CCDC148: variants seen among roughly 807,000 people sequenced by gnomAD.
CCDC148 encodes the protein coiled-coil domain-containing protein 148.
In CCDC148, 89 loss-of-function variants were observed where a neutral mutation model predicts 85.7. The observed-to-expected ratio is 1.04, with a 90% CI of 0.87 to 1.24. The LOEUF (loss-of-function observed/expected upper bound fraction) is 1.24. Ranked by LOEUF, CCDC148 falls within the 50% of genes most tolerant of loss-of-function variation. The pLI is 0.00. For synonymous variants in CCDC148, 230 were observed against 213.9 expected (o/e 1.08, Z -0.66); for missense variants, 692 against 671.7 (o/e 1.03, Z -0.33).
intron 1 of CCDC148, among the ~76,000 whole-genome samples, chr2:158,377,674 T>C (rs1211627462): frequency 6.6e-6 from 1 of 152,070 alleles, no homozygotes; most frequent in Non-Finnish European, 1.5e-5. Flanking sequence ...CAAGCAAGCC[T>C]GTCAGCACCA....
At chr2:158,230,065 T>C (rs759564128) in intron 10 of CCDC148, among the ~76,000 whole-genome samples, 6 of 152,214 alleles carry the variant, frequency 3.9e-5, no homozygotes, top group Admixed American at 2.0e-4. Flanking sequence ...TTGATGTCTC[T>C]GTGTATTTGA....
chr2:158,352,078 A>T (rs566309899), intron 2 of CCDC148, among the ~76,000 whole-genome samples: 380 of 144,402 alleles, frequency 2.6e-3, no homozygotes, highest in Non-Finnish European at 4.3e-3. Context: ...CCATCTGTAC[A>T]TCACCATCAT....
chr2:158,312,578 C>CAAAAAAAAA (rs61545122), intron 8 of CCDC148, among the ~76,000 whole-genome samples: 26 of 76,074 alleles, frequency 3.4e-4, no homozygotes, highest in Admixed American at 6.7e-4. Flanking sequence ...GAATCCATCT[C>CAAAAAAAAA]AAAAAAAAAA....
Position 158,358,524 on chromosome 2 carries a change from G to T in CCDC148, c.72C>A (p.Tyr24Ter). Residue 24 changes from tyrosine to a stop codon, truncating the protein, a stop_gained, in exon 2 of 14, where the codon TAC (tyrosine) becomes TAA (stop). Transcript: ENST00000283233. LOFTEE classifies it high-confidence loss of function. The stretch of plus-strand genomic sequence containing the variant: ...GCAATTGTTGATAGTCTACTGGTTT[G>T]TACTTGATGTTTCTCATCTCATTTT... ...HMKNEMRNIK[Y>*]KPVDYQQLRA... 2 of 1,600,302 alleles carry T rather than the reference G, an allele frequency of 1.2e-6. No individual in the cohort carries two copies. The highest frequency in any genetic ancestry group is 1.7e-6 in the Non-Finnish European group (2 of 1,174,878).
At chr2:158,406,592 C>A (rs948895820) in intron 1 of CCDC148, among the ~76,000 whole-genome samples, 2 of 96,150 alleles carry the variant, frequency 2.1e-5, no homozygotes, top group African/African-American at 3.4e-5. Context: ...GAGGTTACAG[C>A]CAGTTAAACA....
rs1019148989 is a variant in CCDC148, at chr2:158,456,593, T to C, written c.-154A>G. The C allele has an allele frequency of 1.1e-5, 10 of 950,022 alleles. No homozygotes were observed. The highest frequency in any genetic ancestry group is 6.3e-4 in the Middle Eastern group (2 of 3,162). 58.8% of individuals were successfully genotyped at this position (950,022 alleles called of 1,614,324 possible). ...AAACCCTACCAGGCACAGTTGGGATTGGCAGTAAGGCAAGGAAAGCCTGCC... is the reference window on the plus strand; with the variant it reads ...AAACCCTACCAGGCACAGTTGGGATCGGCAGTAAGGCAAGGAAAGCCTGCC... On this transcript the variant is annotated 5_prime_UTR_variant, in exon 1 of 14. Transcript: ENST00000283233.
At chr2:158,437,460 T>A (rs1428193402) in intron 1 of CCDC148, among the ~76,000 whole-genome samples, 1 of 152,180 alleles carries the variant, frequency 6.6e-6, no homozygotes, top group Non-Finnish European at 1.5e-5. Context: ...ATAAATTAGG[T>A]ATTGATGGGA....
intron 1 of CCDC148, among the ~76,000 whole-genome samples, chr2:158,403,527 A>G (rs555605015): frequency 6.6e-6 from 1 of 152,100 alleles, no homozygotes; most frequent in Non-Finnish European, 1.5e-5. Context: ...TATATGAACT[A>G]AACAATAAAG....
At chr2:158,212,514 C>T (rs1315055305) in intron 11 of CCDC148, among the ~76,000 whole-genome samples, 2 of 152,066 alleles carry the variant, frequency 1.3e-5, no homozygotes, top group Non-Finnish European at 2.9e-5. Context: ...TTGGCAAGGA[C>T]CTCAAAACAC....
intron 9 of CCDC148, among the ~76,000 whole-genome samples, chr2:158,302,592 T>C (rs1274185461): frequency 1.3e-5 from 2 of 152,132 alleles, no homozygotes; most frequent in East Asian, 1.9e-4. Context: ...GAGACCATCC[T>C]GGCCAACATG....
At chr2:158,285,322 A>T (rs1245654544) in intron 9 of CCDC148, among the ~76,000 whole-genome samples, 1 of 151,962 alleles carries the variant, frequency 6.6e-6, no homozygotes, top group East Asian at 1.9e-4. Context: ...GTATGAGATT[A>T]ACGGCAGATG....
intron 10 of CCDC148, among the ~76,000 whole-genome samples, chr2:158,240,452 T>TCTCTCTCTCTCA (rs941238898): frequency 1.7e-5 from 2 of 120,468 alleles, no homozygotes; most frequent in South Asian, 3.2e-4. Flanking sequence ...TCTCTCTCTC[T>TCTCTCTCTCTCA]CACACACACA....
In CCDC148 at chr2:158,171,946, A is replaced by C. The variant is rs996952241; in HGVS notation, c.*167T>G. 1.9e-6 allele frequency: 1 copy of C among 530,622 alleles called. No individual in the cohort carries two copies. The highest frequency in any genetic ancestry group is 2.0e-5 in the African/African-American group (1 of 50,384). The allele number at this position is 530,622 out of a possible 1,614,324, so 32.9% of individuals were successfully genotyped here. ...TATAACTTAAAGATACAGGAAATAT[A>C]GTGCATAAAATTCTAAGAATCACAA... On this transcript the variant is annotated 3_prime_UTR_variant, in exon 14 of 14. Coordinates refer to ENST00000283233, the MANE Select transcript of CCDC148 (RefSeq NM_138803.4).
chr2:158,220,690 T>A lies in CCDC148; in HGVS notation c.1275A>T (p.Lys425Asn), dbSNP rs1285997060. Residue 425 changes from lysine (K) to asparagine (N), a missense_variant, in exon 11 of 14, where the codon AAA (lysine) becomes AAT (asparagine). Coordinates refer to ENST00000283233, the MANE Select transcript of CCDC148 (RefSeq NM_138803.4). ...TTTCCATTTCTTGCCACTTCTGTTTTTTCTTGGCCCAGTATTTTTTTATCT... is the reference window on the plus strand; with the variant it reads ...TTTCCATTTCTTGCCACTTCTGTTTATTCTTGGCCCAGTATTTTTTTATCT... ...KKKIKKYWAK[K>N]KQKWQEMEMR... 1 of 1,585,608 alleles carries A rather than the reference T, an allele frequency of 6.3e-7. No homozygotes were observed. The highest frequency in any genetic ancestry group is 8.5e-7 in the Non-Finnish European group (1 of 1,172,806).
intron 11 of CCDC148, among the ~76,000 whole-genome samples, chr2:158,181,638 C>A (rs1684908762): frequency 6.6e-6 from 1 of 151,898 alleles, no homozygotes; most frequent in African/African-American, 2.4e-5. Flanking sequence ...AGGAATGCAC[C>A]AGGAGGGGAG....
intron 11 of CCDC148, among the ~76,000 whole-genome samples, chr2:158,210,959 G>GAAAA (rs772015775): frequency 1.4e-5 from 1 of 70,422 alleles, no homozygotes; most frequent in African/African-American, 5.7e-5. Context: ...ACTCTGTCTC[G>GAAAA]AAAAAAAAAA....
At chr2:158,420,403 A>T (rs1005327981) in intron 1 of CCDC148, among the ~76,000 whole-genome samples, 1 of 152,350 alleles carries the variant, frequency 6.6e-6, no homozygotes, top group South Asian at 2.1e-4. Context: ...CAGAAACTCT[A>T]CAAGCCAGAA....
chr2:158,443,131 A>G (rs1469036922), intron 1 of CCDC148, among the ~76,000 whole-genome samples: 6 of 152,112 alleles, frequency 3.9e-5, no homozygotes, highest in African/African-American at 1.2e-4. Context: ...AAGGCAAGAT[A>G]TAAGTAGGAG....
chr2:158,212,993 A>G (rs1558986390), intron 11 of CCDC148, among the ~76,000 whole-genome samples: 1 of 152,238 alleles, frequency 6.6e-6, no homozygotes, highest in Non-Finnish European at 1.5e-5. Flanking sequence ...AATGGTTCTT[A>G]AATTTTGCTG....
Sources: allele counts gnomAD v4.1 joint callset (sites outside exome capture counted in the v4.1 genomes callset), GRCh38; gene constraint gnomAD v4.1.1; transcripts MANE v1.5; gene names NCBI Gene and HGNC (gene_info 2026-07-23, HGNC 2026-07-21).